Variants in CDH13 observed in about 807,000 individuals in gnomAD.
CDH13 encodes cadherin-13.
Under a neutral mutation model 63.8 loss-of-function variants are expected in CDH13, and 24 were observed. That is an observed-to-expected ratio of 0.38 (90% CI 0.27 to 0.53). The LOEUF (loss-of-function observed/expected upper bound fraction) is 0.53, where lower values mean the gene tolerates loss of function less well. CDH13 is among the 20% of genes least tolerant of loss of function. The pLI, the probability that CDH13 is intolerant of heterozygous loss-of-function variation, is 0.85. For synonymous variants in CDH13, 503 were observed against 355.3 expected (o/e 1.42, Z -4.67); for missense variants, 1,049 against 903.1 (o/e 1.16, Z -2.07).
chr16:82,680,223 C>T (rs1403333459), intron 1 of CDH13, among the ~76,000 whole-genome samples: 2 of 152,210 alleles, frequency 1.3e-5, no homozygotes, highest in African/African-American at 4.8e-5. Flanking sequence ...GGGGCCTGGT[C>T]TAATGAGAGT....
chr16:83,513,087 C>G (rs1400520029), intron 7 of CDH13, among the ~76,000 whole-genome samples: 4 of 151,734 alleles, frequency 2.6e-5, no homozygotes, highest in African/African-American at 9.7e-5. Context: ...CAGAATTAGG[C>G]TTGTGAAAAC....
intron 10 of CDH13, among the ~76,000 whole-genome samples, chr16:83,705,519 G>A (rs1906899916): frequency 1.3e-5 from 2 of 152,136 alleles, no homozygotes; most frequent in South Asian, 4.1e-4. Context: ...CTACTCGGGA[G>A]GCTGAGGCAG....
At chr16:83,616,270 C>A (rs1204149382) in intron 8 of CDH13, among the ~76,000 whole-genome samples, 1 of 152,192 alleles carries the variant, frequency 6.6e-6, no homozygotes, top group Non-Finnish European at 1.5e-5. Flanking sequence ...AATATATAAT[C>A]TACCATGTGG....
Position 83,165,071 on chromosome 16 carries a change from G to C in CDH13, c.483+39570G>C, listed in dbSNP as rs1465481420. On this transcript the variant is annotated intron_variant, in intron 4 of 13. Transcript: ENST00000567109. The stretch of plus-strand genomic sequence containing the variant: ...ATCACAGAAAGTGTGTGGGAGATGA[G>C]TAGAAGCAGGAGAAAAAAAAAAAAA... Among the ~76,000 whole-genome samples the C allele has an allele frequency of 2.2e-5, 3 of 138,402 alleles. No individual in the cohort carries two copies. The East Asian group carries it at 6.2e-4, about 29-fold the overall frequency. The allele number at this position is 138,402 out of a possible 152,430, so 90.8% of individuals were successfully genotyped here. A position where few individuals can be genotyped will look rare whatever the true frequency, so the allele number is the denominator to read the frequency against.
intron 1 of CDH13, among the ~76,000 whole-genome samples, chr16:82,714,433 G>A (rs1291763418): frequency 6.6e-6 from 1 of 152,116 alleles, no homozygotes; most frequent in Non-Finnish European, 1.5e-5. Flanking sequence ...AGAAAAGAGG[G>A]TCGGGCATGG....
At chr16:82,667,012 C>A (rs1912666885) in intron 1 of CDH13, among the ~76,000 whole-genome samples, 1 of 152,188 alleles carries the variant, frequency 6.6e-6, no homozygotes, top group South Asian at 2.1e-4. Flanking sequence ...CTACTGCTTG[C>A]AAGCCAACTC....
chr16:83,399,280 A>G (rs1253711017), intron 6 of CDH13, among the ~76,000 whole-genome samples: 1 of 152,222 alleles, frequency 6.6e-6, no homozygotes, highest in East Asian at 1.9e-4. Context: ...TATGATGATC[A>G]ATTAAGAGTA....
intron 5 of CDH13, among the ~76,000 whole-genome samples, chr16:83,329,397 T>G (rs1007706278): frequency 2.7e-4 from 34 of 124,378 alleles, no homozygotes; most frequent in Non-Finnish European, 2.4e-4. Context: ...GGCTAATTTT[T>G]GTATTTTTTT....
chr16:83,581,225 G>A (rs999746623), intron 7 of CDH13, among the ~76,000 whole-genome samples: 15 of 152,310 alleles, frequency 9.8e-5, no homozygotes, highest in East Asian at 1.9e-4. Flanking sequence ...CTGCCCTTCC[G>A]AAGCTGACAG....
intron 10 of CDH13, among the ~76,000 whole-genome samples, chr16:83,718,817 T>C (rs1046822266): frequency 6.6e-6 from 1 of 152,212 alleles, no homozygotes; most frequent in African/African-American, 2.4e-5. Context: ...CCTGGAATTT[T>C]CTATTCTTCT....
At chr16:82,935,961 A>T (rs913741689) in intron 2 of CDH13, among the ~76,000 whole-genome samples, 1 of 152,136 alleles carries the variant, frequency 6.6e-6, no homozygotes, top group Non-Finnish European at 1.5e-5. Context: ...TTAAAGAGGC[A>T]GTGTCTGATT....
chr16:83,556,667 C>A (rs8051829), intron 7 of CDH13, among the ~76,000 whole-genome samples: 49,196 of 152,052 alleles, frequency 0.32, 8,553 homozygotes, highest in East Asian at 0.41. Flanking sequence ...ATCAAGGGAC[C>A]TGGAGAGAAA....
chr16:83,058,785 C>G (rs76753732), intron 3 of CDH13, among the ~76,000 whole-genome samples: 3,909 of 152,240 alleles, frequency 0.026, 169 homozygotes, highest in African/African-American at 0.087. Context: ...AACGTGCAGT[C>G]TGAGAGAAAG....
chr16:82,892,081 T>TTCAAACC (rs1489097455), intron 2 of CDH13, among the ~76,000 whole-genome samples: 2 of 152,154 alleles, frequency 1.3e-5, no homozygotes, highest in Non-Finnish European at 2.9e-5. Context: ...ACTGCCTCCC[T>TTCAAACC]TCCAACCTCA....
At chr16:82,719,625 C>T in intron 1 of CDH13, 1 of 342,620 alleles carries the variant, frequency 2.9e-6, no homozygotes, top group Non-Finnish European at 5.8e-6. Flanking sequence ...GTGGGTGGAT[C>T]ACCTGAGGTC....
intron 4 of CDH13, among the ~76,000 whole-genome samples, chr16:83,162,406 T>G (rs956109412): frequency 6.6e-6 from 1 of 152,196 alleles, no homozygotes; most frequent in African/African-American, 2.4e-5. Flanking sequence ...GTAGACATTT[T>G]ACAGATATTT....
intron 5 of CDH13, among the ~76,000 whole-genome samples, chr16:83,227,383 C>A (rs914827066): frequency 3.3e-5 from 5 of 152,106 alleles, no homozygotes; most frequent in Admixed American, 3.3e-4. Flanking sequence ...GATCAGGGGG[C>A]CCTTGTGAAG....
At chr16:83,500,010 C>G (rs1017525956) in intron 7 of CDH13, among the ~76,000 whole-genome samples, 1 of 152,078 alleles carries the variant, frequency 6.6e-6, no homozygotes, top group South Asian at 2.1e-4. Context: ...ACCATGTTGG[C>G]CAGGCTGGTC....
chr16:83,103,466 GA>G (rs2034612777), intron 3 of CDH13, among the ~76,000 whole-genome samples: 3 of 148,942 alleles, frequency 2.0e-5, no homozygotes, highest in African/African-American at 7.5e-5. Context: ...GGCTGGTGTC[GA>G]ACTCCTGACC....
Sources: allele counts gnomAD v4.1 joint callset (sites outside exome capture counted in the v4.1 genomes callset), GRCh38; gene constraint gnomAD v4.1.1; transcripts MANE v1.5; gene names NCBI Gene and HGNC (gene_info 2026-07-23, HGNC 2026-07-21).